Variants in CAST observed in about 807,000 individuals in gnomAD.
The protein encoded by CAST is calpastatin.
Under a neutral mutation model 119.6 loss-of-function variants are expected in CAST, and 76 were observed. That is an observed-to-expected ratio of 0.64 (90% CI 0.53 to 0.77). The LOEUF is 0.77. CAST is among the 30% of genes least tolerant of loss of function. CAST has a pLI of 0.00. For synonymous variants in CAST, 319 were observed against 331.6 expected (o/e 0.96, Z 0.41); for missense variants, 953 against 946.5 (o/e 1.01, Z -0.09).
chr5:96,107,427 A>G, the CAST span, among the ~76,000 whole-genome samples: 7 of 152,054 alleles, frequency 4.6e-5, no homozygotes, highest in African/African-American at 1.2e-4. Context: ...TGGTGGTGAC[A>G]AAATCTCTCA....
chr5:96,018,798 A>G, the CAST span, among the ~76,000 whole-genome samples: 1 of 152,232 alleles, frequency 6.6e-6, no homozygotes, highest in African/African-American at 2.4e-5. Flanking sequence ...AGAATCTCAT[A>G]TAATTCTTTG....
intron 17 of CAST, among the ~76,000 whole-genome samples, chr5:96,746,633 T>G (rs1458345745): frequency 6.6e-6 from 1 of 152,242 alleles, no homozygotes; most frequent in Admixed American, 6.5e-5. Flanking sequence ...GTAGTGACCA[T>G]GTGTTCATTT....
At chr5:96,146,773 C>T in the CAST span, among the ~76,000 whole-genome samples, 5 of 152,152 alleles carry the variant, frequency 3.3e-5, no homozygotes, top group African/African-American at 9.7e-5. Context: ...TTTCTTCTCA[C>T]TCATGTAAAG....
chr5:96,201,222 C>T, the CAST span, among the ~76,000 whole-genome samples: 1 of 152,020 alleles, frequency 6.6e-6, no homozygotes, highest in Non-Finnish European at 1.5e-5. Flanking sequence ...AACAAATATG[C>T]CATTCACTCA....
rs1218582580 is a variant in CAST at position 96,549,019 on chromosome 5, G to A, written c.60+19139G>A. On this transcript the variant is annotated intron_variant, in intron 1 of 11. Coordinates refer to the CAST transcript ENST00000505143. The stretch of plus-strand genomic sequence containing the variant: ...CTGCAAGAAAATTACAAGGAACCAG[G>A]AAGAGAAGCATCCTTACTATGGTGA... 3.3e-5 allele frequency among the ~76,000 whole-genome samples: 5 copies of A among 152,144 alleles called. No individual in the cohort carries two copies. In the East Asian group the frequency reaches 7.7e-4, roughly 23 times the overall value.
the CAST span, among the ~76,000 whole-genome samples, chr5:96,371,628 A>G: frequency 6.6e-6 from 1 of 152,208 alleles, no homozygotes; most frequent in Non-Finnish European, 1.5e-5. Context: ...ATCACAGGAA[A>G]GAAGGAACCA....
the CAST span, among the ~76,000 whole-genome samples, chr5:96,004,910 A>G: frequency 6.6e-6 from 1 of 152,194 alleles, no homozygotes; most frequent in Admixed American, 6.5e-5. Context: ...CTAGGATTAA[A>G]GAGAAAATGC....
At chr5:96,184,697 A>T in the CAST span, among the ~76,000 whole-genome samples, 1 of 151,998 alleles carries the variant, frequency 6.6e-6, no homozygotes, top group African/African-American at 2.4e-5. Context: ...ATTCTTTTTT[A>T]TGGCTGCATA....
the CAST span, among the ~76,000 whole-genome samples, chr5:96,372,155 G>C: frequency 2.0e-5 from 3 of 152,220 alleles, no homozygotes; most frequent in African/African-American, 7.2e-5. Context: ...GTAGTAAATA[G>C]AATGGCTAGG....
At chr5:96,243,180 T>TA in the CAST span, among the ~76,000 whole-genome samples, 2 of 138,172 alleles carry the variant, frequency 1.4e-5, no homozygotes, top group African/African-American at 6.2e-5. Flanking sequence ...CAGCAACTGT[T>TA]TTTTTTTTTT....
chr5:96,477,065 AACACACACACACACACACACACAC>A, the CAST span, among the ~76,000 whole-genome samples: 8 of 136,616 alleles, frequency 5.9e-5, no homozygotes, highest in African/African-American at 2.0e-4. Context: ...AATGTGCCAA[AACACACACACACACACACACACAC>A]ACACACACAC....
At chr5:96,558,341 G>T (rs1166204578) in intron 1 of CAST, among the ~76,000 whole-genome samples, 1 of 151,844 alleles carries the variant, frequency 6.6e-6, no homozygotes, top group Non-Finnish European at 1.5e-5. Flanking sequence ...CAGAAGGCAA[G>T]AAATAACTAA....
chr5:95,996,413 G>A, the CAST span, among the ~76,000 whole-genome samples: 1 of 152,080 alleles, frequency 6.6e-6, no homozygotes, highest in Non-Finnish European at 1.5e-5. Flanking sequence ...CCTCCTTTGT[G>A]CCCACCTTTA....
intron 3 of CAST, among the ~76,000 whole-genome samples, chr5:96,721,584 G>T (rs1758273422): frequency 6.6e-6 from 1 of 152,116 alleles, no homozygotes; most frequent in Admixed American, 6.5e-5. Flanking sequence ...GGTGTTGTTG[G>T]CAGGGTAGCA....
At chr5:96,710,408 C>T (rs1223940762) in intron 3 of CAST, among the ~76,000 whole-genome samples, 13 of 152,122 alleles carry the variant, frequency 8.5e-5, no homozygotes, top group Non-Finnish European at 1.6e-4. Context: ...TTTAGAATTA[C>T]GTGAGAGGCT....
intron 1 of CAST, among the ~76,000 whole-genome samples, chr5:96,597,569 A>T (rs1747074428): frequency 1.3e-5 from 2 of 152,110 alleles, no homozygotes; most frequent in African/African-American, 4.8e-5. Flanking sequence ...AGCAGAGGCA[A>T]CCTGCACCTT....
In CAST at chr5:96,749,049, C is replaced by T. The variant is rs79071489; in HGVS notation, c.1428+436C>T. On this transcript the variant is annotated intron_variant, in intron 19 of 31. Transcript: ENST00000675179. ...AAAAAAAAGTTCCTATTACCATATTCTTGACCCAGTTTTCTTTCCTACCAA... is the reference window on the plus strand; with the variant it reads ...AAAAAAAAGTTCCTATTACCATATTTTTGACCCAGTTTTCTTTCCTACCAA... 2.8e-3 allele frequency among the ~76,000 whole-genome samples: 430 copies of T among 152,288 alleles called. 6 individuals are homozygous for T. The highest frequency in any genetic ancestry group is 9.8e-3 in the African/African-American group (408 of 41,564).
At chr5:96,495,137 A>AC in the CAST span, among the ~76,000 whole-genome samples, 2 of 149,644 alleles carry the variant, frequency 1.3e-5, no homozygotes, top group Non-Finnish European at 3.0e-5. Flanking sequence ...AAAAAAAAAA[A>AC]AAAGTGTGTC....
chr5:96,278,111 A>T, the CAST span, among the ~76,000 whole-genome samples: 7 of 151,458 alleles, frequency 4.6e-5, no homozygotes, highest in Admixed American at 6.6e-5. Flanking sequence ...GATTTAGGGG[A>T]GAACAAAATT....
Sources: allele counts gnomAD v4.1 joint callset (sites outside exome capture counted in the v4.1 genomes callset), GRCh38; gene constraint gnomAD v4.1.1; transcripts MANE v1.5; gene names NCBI Gene and HGNC (gene_info 2026-07-23, HGNC 2026-07-21).